PPM1E: variants seen among roughly 807,000 people sequenced by gnomAD.
PPM1E encodes protein phosphatase, Mg2+/Mn2+ dependent 1E.
PPM1E carries 20 observed loss-of-function variants against 65.9 expected under a neutral mutation model. That is an observed-to-expected ratio of 0.30 (90% confidence interval 0.21 to 0.44). The LOEUF is 0.44. PPM1E is among the 20% of genes least tolerant of loss of function. PPM1E has a pLI of 1.00. For synonymous variants in PPM1E, 352 were observed against 374.9 expected (o/e 0.94, Z 0.70); for missense variants, 713 against 953.1 (o/e 0.75, Z 3.32).
intron 1 of PPM1E, among the ~76,000 whole-genome samples, chr17:58,948,772 A>G (rs1028985351): frequency 2.6e-5 from 4 of 151,932 alleles, no homozygotes; most frequent in African/African-American, 9.7e-5. Context: ...TTCTTCACCC[A>G]TTGGTTGTTT....
chr17:58,882,278 A>T (rs899263629), intron 1 of PPM1E, among the ~76,000 whole-genome samples: 11 of 152,114 alleles, frequency 7.2e-5, no homozygotes, highest in African/African-American at 2.2e-4. Flanking sequence ...TTGATGTTTC[A>T]TTCAAAATCT....
In PPM1E at chr17:58,984,823, G is replaced by C. The variant is rs1259963137; in HGVS notation, c.*3792G>C. 1 of 152,376 alleles carries C rather than the reference G, an allele frequency of 6.6e-6. No individual in the cohort carries two copies. Among genetic ancestry groups the C allele is most frequent in the African/African-American group, 2.4e-5 (1 of 41,446 alleles). 9.4% of individuals were successfully genotyped at this position (152,376 alleles called of 1,614,324 possible). ...TGTAATAATTAGAAAACATGAAATA[G>C]GGAACTCCAGACTGACACAGCAGTT... On this transcript the variant is annotated 3_prime_UTR_variant, in exon 7 of 7. Coordinates refer to ENST00000308249, the MANE Select transcript of PPM1E (RefSeq NM_014906.5).
At chr17:58,888,834 T>G (rs2051312367) in intron 1 of PPM1E, among the ~76,000 whole-genome samples, 1 of 152,222 alleles carries the variant, frequency 6.6e-6, no homozygotes, top group Non-Finnish European at 1.5e-5. Context: ...AATTATTAGA[T>G]AGTTGAATGT....
chr17:58,868,369 C>CA (rs918664712), intron 1 of PPM1E, among the ~76,000 whole-genome samples: 2 of 151,364 alleles, frequency 1.3e-5, no homozygotes, highest in East Asian at 3.9e-4. Flanking sequence ...CAATATTTTT[C>CA]AAAAAAAAAT....
At chr17:58,909,733 T>G (rs1458465730) in intron 1 of PPM1E, among the ~76,000 whole-genome samples, 1 of 152,124 alleles carries the variant, frequency 6.6e-6, no homozygotes, top group African/African-American at 2.4e-5. Flanking sequence ...CAAGATTTCA[T>G]TCTTTATCCT....
intron 4 of PPM1E, among the ~76,000 whole-genome samples, chr17:58,971,390 G>A (rs1315502987): frequency 6.6e-6 from 1 of 152,158 alleles, no homozygotes; most frequent in Admixed American, 6.6e-5. Flanking sequence ...GTAACAGAAA[G>A]TCATGCTCAT....
At chr17:58,868,584 GC>G (rs2051033388) in intron 1 of PPM1E, among the ~76,000 whole-genome samples, 1 of 62,196 alleles carries the variant, frequency 1.6e-5, no homozygotes, top group Non-Finnish European at 3.5e-5. Context: ...TTTTTTTTTT[GC>G]AGTCATTGCA....
intron 1 of PPM1E, among the ~76,000 whole-genome samples, chr17:58,853,570 G>A (rs1380145053): frequency 6.6e-6 from 1 of 152,158 alleles, no homozygotes; most frequent in East Asian, 1.9e-4. Context: ...GCTCATGCCT[G>A]TAATCCCAGC....
At chr17:58,887,185 G>C (rs1274017425) in intron 1 of PPM1E, among the ~76,000 whole-genome samples, 1 of 93,992 alleles carries the variant, frequency 1.1e-5, no homozygotes, top group Non-Finnish European at 2.0e-5. Flanking sequence ...TTTTTTTTGA[G>C]ATGTAGTCTC....
chr17:58,789,661 A>C (rs1457239654), intron 1 of PPM1E, among the ~76,000 whole-genome samples: 2 of 151,968 alleles, frequency 1.3e-5, no homozygotes, highest in African/African-American at 4.8e-5. Flanking sequence ...AACAAAAGGC[A>C]TCTTTATTTT....
intron 2 of PPM1E, among the ~76,000 whole-genome samples, chr17:58,957,932 CA>C (rs1343940518): frequency 6.6e-6 from 1 of 152,048 alleles, no homozygotes; most frequent in East Asian, 1.9e-4. Context: ...CACTTGAGGC[CA>C]GGAGTTTGAG....
At chr17:58,914,302 A>G (rs774237625) in intron 1 of PPM1E, among the ~76,000 whole-genome samples, 6 of 152,168 alleles carry the variant, frequency 3.9e-5, no homozygotes, top group Non-Finnish European at 8.8e-5. Context: ...CTTGTATTTC[A>G]TCAGCTTTTC....
chr17:58,812,708 C>CA (rs2050381162), intron 1 of PPM1E, among the ~76,000 whole-genome samples: 1 of 152,112 alleles, frequency 6.6e-6, no homozygotes, highest in African/African-American at 2.4e-5. Flanking sequence ...CACACACCAC[C>CA]ATGCCCAGCT....
At chr17:58,947,234 T>C (rs1211019537) in intron 1 of PPM1E, among the ~76,000 whole-genome samples, 1 of 27,210 alleles carries the variant, frequency 3.7e-5, no homozygotes, top group Non-Finnish European at 8.6e-5. Flanking sequence ...ACTCCTGGCC[T>C]TTTTTTTTTT....
intron 1 of PPM1E, among the ~76,000 whole-genome samples, chr17:58,834,186 T>G (rs2050632083): frequency 6.6e-6 from 1 of 152,098 alleles, no homozygotes; most frequent in African/African-American, 2.4e-5. Context: ...GGGTGTGGGG[T>G]ATGGCTATTG....
At chr17:58,769,103 A>G (rs62083362) in intron 1 of PPM1E, among the ~76,000 whole-genome samples, 27,995 of 152,112 alleles carry the variant, frequency 0.18, 2,758 homozygotes, top group Non-Finnish European at 0.21. Flanking sequence ...TTTTTCACTT[A>G]CTAAGATGCC....
At chr17:58,799,599 C>T (rs1183202501) in intron 1 of PPM1E, among the ~76,000 whole-genome samples, 4 of 152,184 alleles carry the variant, frequency 2.6e-5, no homozygotes, top group Admixed American at 1.3e-4. Context: ...TGCACCGCCA[C>T]GCCTGGCTAC....
chr17:58,783,787 A>G (rs2050071303), intron 1 of PPM1E, among the ~76,000 whole-genome samples: 1 of 152,026 alleles, frequency 6.6e-6, no homozygotes, highest in Non-Finnish European at 1.5e-5. Context: ...GGCCCACTGC[A>G]ACCTCCTACC....
intron 1 of PPM1E, among the ~76,000 whole-genome samples, chr17:58,843,201 A>G (rs1293977464): frequency 1.3e-5 from 2 of 151,406 alleles, no homozygotes; most frequent in African/African-American, 2.4e-5. Context: ...CCTGGGAGGC[A>G]GAGAACCTGG....
Sources: gnomAD v4.1 joint callset for allele counts (sites outside exome capture counted in the v4.1 genomes callset) on GRCh38, gnomAD v4.1.1 for gene constraint, MANE v1.5 for transcripts, NCBI Gene and HGNC (gene_info 2026-07-23, HGNC 2026-07-21) for gene names.